COL25A1: variants seen among roughly 807,000 people sequenced by gnomAD.
COL25A1 encodes collagen type XXV alpha 1 chain.
Under a neutral mutation model 128.4 loss-of-function variants are expected in COL25A1, and 103 were observed. The ratio of observed to expected loss-of-function variants is 0.80; its 90% CI spans 0.68 to 0.94. The LOEUF (loss-of-function observed/expected upper bound fraction) is 0.94. COL25A1 is among the 40% of genes least tolerant of loss of function. The probability of loss-of-function intolerance (pLI) is 0.00; values close to 1 mark genes in which losing one functional copy is unlikely to be tolerated. For missense variants in COL25A1, 745 were observed against 840.0 expected, an observed-to-expected ratio of 0.89 and a Z score of 1.40; for synonymous variants, 279 against 277.2, an observed-to-expected ratio of 1.01 and a Z score of -0.06.
At chr4:109,261,985 C>G (rs1385716635) in intron 3 of COL25A1, among the ~76,000 whole-genome samples, 1 of 151,838 alleles carries the variant, frequency 6.6e-6, no homozygotes, top group African/African-American at 2.4e-5. Flanking sequence ...GCATGAGCCA[C>G]CGCGCCCGGC....
chr4:108,831,919 G>A (rs1255618448), intron 32 of COL25A1, among the ~76,000 whole-genome samples: 1 of 152,108 alleles, frequency 6.6e-6, no homozygotes, highest in Non-Finnish European at 1.5e-5. Flanking sequence ...CTTTAAAAAA[G>A]GGGGAGCATT....
chr4:109,164,743 T>C (rs938647248), intron 3 of COL25A1, among the ~76,000 whole-genome samples: 2 of 152,242 alleles, frequency 1.3e-5, no homozygotes, highest in African/African-American at 4.8e-5. Flanking sequence ...TTCTATGTTA[T>C]ATGAGAATGT....
rs1730787702 is a variant in COL25A1, at chr4:108,811,483, G to C, written c.*2444C>G. The C allele has an allele frequency of 6.6e-6, 1 of 151,994 alleles. No individual in the cohort carries two copies. Among genetic ancestry groups the C allele is most frequent in the South Asian group, 2.1e-4 (1 of 4,816 alleles). 9.4% of individuals were successfully genotyped at this position (151,994 alleles called of 1,614,324 possible). A position where few individuals can be genotyped will look rare whatever the true frequency, so the allele number is the denominator to read the frequency against. On this transcript the variant is annotated 3_prime_UTR_variant, in exon 38 of 38. Coordinates refer to ENST00000399132, the MANE Select transcript of COL25A1 (RefSeq NM_198721.4). Reference sequence around the variant, plus strand: ...TGATGTTGAGGTATCGTCTCCTGAAGCTGTGCAAGTTTTAAATAGTGATCC... The same window carrying C: ...TGATGTTGAGGTATCGTCTCCTGAACCTGTGCAAGTTTTAAATAGTGATCC...
At chr4:109,265,112 G>T (rs1311821460) in intron 3 of COL25A1, among the ~76,000 whole-genome samples, 1 of 152,152 alleles carries the variant, frequency 6.6e-6, no homozygotes, top group African/African-American at 2.4e-5. Context: ...ATGTCACTAA[G>T]ATGGAAAAAT....
chr4:109,233,275 CTTATT>C (rs1458113962), intron 3 of COL25A1, among the ~76,000 whole-genome samples: 1 of 152,072 alleles, frequency 6.6e-6, no homozygotes, highest in Non-Finnish European at 1.5e-5. Flanking sequence ...AAATGTATTA[CTTATT>C]TTATTTTGAG....
intron 5 of COL25A1, among the ~76,000 whole-genome samples, chr4:109,027,090 C>T (rs753568375): frequency 1.3e-5 from 2 of 152,158 alleles, no homozygotes; most frequent in Non-Finnish European, 2.9e-5. Flanking sequence ...TCTTCAGGTA[C>T]TAGGACTATA....
At chr4:109,253,390 G>A (rs1780793915) in intron 3 of COL25A1, among the ~76,000 whole-genome samples, 1 of 152,156 alleles carries the variant, frequency 6.6e-6, no homozygotes, top group Non-Finnish European at 1.5e-5. Context: ...AGTCTGAGTT[G>A]AAAGGCAGGA....
At chr4:109,103,499 C>CT (rs149919180) in intron 3 of COL25A1, among the ~76,000 whole-genome samples, 4,903 of 152,182 alleles carry the variant, frequency 0.032, 253 homozygotes, top group African/African-American at 0.11. Flanking sequence ...TGGGGTCATG[C>CT]TTATAAGTCA....
chr4:109,020,881 T>C (rs1181146513), intron 5 of COL25A1, among the ~76,000 whole-genome samples: 2 of 152,338 alleles, frequency 1.3e-5, no homozygotes, highest in South Asian at 2.1e-4. Context: ...ATAAATAATG[T>C]TTATGTCTTT....
intron 15 of COL25A1, among the ~76,000 whole-genome samples, chr4:108,897,122 T>C (rs1742237534): frequency 6.6e-6 from 1 of 152,146 alleles, no homozygotes. Flanking sequence ...TCCCCTCTCT[T>C]TCCCTTTCCA....
chr4:108,966,732 T>A (rs1751342652), intron 8 of COL25A1, among the ~76,000 whole-genome samples: 2 of 151,796 alleles, frequency 1.3e-5, no homozygotes, highest in Non-Finnish European at 2.9e-5. Context: ...GTGCCTGTAG[T>A]CCCAGCTATT....
At chr4:109,012,382 G>A (rs13120305) in intron 5 of COL25A1, among the ~76,000 whole-genome samples, 1 of 148,100 alleles carries the variant, frequency 6.8e-6, no homozygotes, top group South Asian at 2.1e-4. Flanking sequence ...TACGCTTGAG[G>A]AGCCCTTCAG....
At chr4:108,819,434 C>A in intron 35 of COL25A1, 105 bp from the exon 36 acceptor site, 1 of 848,188 alleles carries the variant, frequency 1.2e-6, no homozygotes, top group South Asian at 1.7e-5. Context: ...AGAGGAGCAA[C>A]TCTGAAGGGA....
At chr4:109,118,408 A>G (rs3108944) in intron 3 of COL25A1, among the ~76,000 whole-genome samples, 179 of 152,064 alleles carry the variant, frequency 1.2e-3, no homozygotes, top group African/African-American at 4.1e-3. Flanking sequence ...TATGTTAATT[A>G]CCCTGATTTA....
intron 3 of COL25A1, among the ~76,000 whole-genome samples, chr4:109,166,069 T>C (rs980352900): frequency 2.0e-5 from 3 of 152,218 alleles, no homozygotes; most frequent in Non-Finnish European, 4.4e-5. Context: ...AGATCAATTT[T>C]TCTACTTAAA....
chr4:109,021,497 CT>C (rs1413353448), intron 5 of COL25A1, among the ~76,000 whole-genome samples: 1 of 152,152 alleles, frequency 6.6e-6, no homozygotes, highest in Non-Finnish European at 1.5e-5. Context: ...CCTCAGGATC[CT>C]GTGATGACTG....
chr4:109,099,887 C>A (rs1765734421), intron 3 of COL25A1, among the ~76,000 whole-genome samples: 1 of 152,060 alleles, frequency 6.6e-6, no homozygotes, highest in South Asian at 2.1e-4. Context: ...TTTGGACAGC[C>A]ATCTTTCAAT....
At chr4:109,086,479 T>C (rs968766767) in intron 3 of COL25A1, among the ~76,000 whole-genome samples, 1 of 152,240 alleles carries the variant, frequency 6.6e-6, no homozygotes, top group Non-Finnish European at 1.5e-5. Context: ...TCATCTTCTA[T>C]TTTTGCTTTG....
intron 3 of COL25A1, among the ~76,000 whole-genome samples, chr4:109,271,210 G>T (rs181491964): frequency 6.6e-6 from 1 of 151,998 alleles, no homozygotes; most frequent in African/African-American, 2.4e-5. Context: ...ATACTTAGCT[G>T]CAAATTTCCT....
Sources: gnomAD v4.1 joint callset for allele counts (sites outside exome capture counted in the v4.1 genomes callset) on GRCh38, gnomAD v4.1.1 for gene constraint, MANE v1.5 for transcripts, NCBI Gene and HGNC (gene_info 2026-07-23, HGNC 2026-07-21) for gene names.